Variants in CHST15 observed in about 807,000 individuals in gnomAD.
CHST15 encodes B cell RAG associated protein (GALNAC4S-6ST).
A neutral mutation model predicts 53.6 loss-of-function variants in CHST15; 30 were observed. The observed-to-expected ratio is 0.56, with a 90% CI of 0.42 to 0.76. The LOEUF (loss-of-function observed/expected upper bound fraction) is 0.76, where lower values mean the gene tolerates loss of function less well. Among genes scored for constraint, CHST15 ranks in the 30% least tolerant of loss-of-function variants. CHST15 has a pLI of 0.00. For missense variants in CHST15, 627 were observed against 740.5 expected, an observed-to-expected ratio of 0.85 and a Z score of 1.78; for synonymous variants, 296 against 289.8, an observed-to-expected ratio of 1.02 and a Z score of -0.22.
At chr10:124,038,137 C>T (rs1947583760) in intron 5 of CHST15, among the ~76,000 whole-genome samples, 1 of 148,376 alleles carries the variant, frequency 6.7e-6, no homozygotes, top group South Asian at 2.1e-4. Flanking sequence ...GATGGAGTCT[C>T]ACTCTGACAC....
At chr10:124,012,522 C>T (rs1287954494) in intron 6 of CHST15, 42 bp from the exon 7 acceptor site, 1 of 1,588,160 alleles carries the variant, frequency 6.3e-7, no homozygotes, top group Non-Finnish European at 8.6e-7. Context: ...GAGCAGTTGC[C>T]CCAACACCAT....
chr10:124,043,782 G>A (rs1291001345), intron 3 of CHST15, among the ~76,000 whole-genome samples: 1 of 152,260 alleles, frequency 6.6e-6, no homozygotes, highest in Non-Finnish European at 1.5e-5. Flanking sequence ...AACCCATAAG[G>A]CAGATGGGGC....
chr10:124,034,237 A>G (rs1947334221), intron 5 of CHST15, among the ~76,000 whole-genome samples: 1 of 152,220 alleles, frequency 6.6e-6, no homozygotes, highest in Admixed American at 6.5e-5. Context: ...GGAGGCAAGA[A>G]GCTTTCACAT....
Position 124,024,270 on chromosome 10 carries a change from A to G in CHST15, c.1191-2858T>C, listed in dbSNP as rs143605329. ...ACTGCCCTCCCCTCTAATTGAGGTCATGATATGAGGAGCAGCATTTCTTAG... is the reference window on the plus strand; with the variant it reads ...ACTGCCCTCCCCTCTAATTGAGGTCGTGATATGAGGAGCAGCATTTCTTAG... On this transcript the variant is annotated intron_variant, in intron 5 of 7. Coordinates refer to ENST00000435907, the MANE Select transcript of CHST15 (RefSeq NM_001270764.2). The surrounding 1 kb of genome is among the most constrained non-coding windows in gnomAD (Gnocchi z 4.0). Among the ~76,000 whole-genome samples the G allele has an allele frequency of 9.7e-3, 1,485 of 152,326 alleles. 22 individuals carry two copies. Among genetic ancestry groups the G allele is most frequent in the African/African-American group, 0.034 (1,402 of 41,558 alleles).
intron 1 of CHST15, among the ~76,000 whole-genome samples, chr10:124,062,852 C>A (rs576720056): frequency 2.0e-4 from 31 of 152,196 alleles, no homozygotes; most frequent in African/African-American, 7.0e-4. Flanking sequence ...GAAGACCTCT[C>A]ACCTCATGGA....
At chr10:124,018,494 A>G (rs762172503) in intron 6 of CHST15, among the ~76,000 whole-genome samples, 5 of 152,224 alleles carry the variant, frequency 3.3e-5, no homozygotes, top group Non-Finnish European at 7.3e-5. Context: ...GCACTGGGGG[A>G]GACACAGCCA....
At position 124,008,911 on chromosome 10, in the gene CHST15, C is replaced by T; in HGVS notation, c.*1238G>A. 3 of 1,287,896 alleles carry T rather than the reference C, an allele frequency of 2.3e-6. No homozygotes were observed. The highest frequency in any genetic ancestry group is 1.0e-6 in the Non-Finnish European group (1 of 987,590). 79.8% of individuals were successfully genotyped at this position (1,287,896 alleles called of 1,614,324 possible). A position where few individuals can be genotyped will look rare whatever the true frequency, so the allele number is the denominator to read the frequency against. The stretch of plus-strand genomic sequence containing the variant: ...ATCTCTAGCCCATCCATCGGTAAAC[C>T]AAGCTGCCAAGTGGCCTGGAAAATT... On this transcript the variant is annotated 3_prime_UTR_variant, in exon 8 of 8. Coordinates refer to ENST00000435907, the MANE Select transcript of CHST15 (RefSeq NM_001270764.2).
Position 124,027,321 on chromosome 10 carries a change from G to A in CHST15, c.1191-5909C>T, listed in dbSNP as rs1009380706. 5.3e-5 allele frequency among the ~76,000 whole-genome samples: 8 copies of A among 152,290 alleles called. No individual in the cohort carries two copies. In the East Asian group the frequency reaches 9.7e-4, roughly 18 times the overall value. ...AGGGCTCCATCAATCCAGTGCCTCT[G>A]AAAGTGACCATGTCTCTCCCCAAGG... On this transcript the variant is annotated intron_variant, in intron 5 of 7. Coordinates refer to ENST00000435907, the MANE Select transcript of CHST15 (RefSeq NM_001270764.2).
rs1471365839 is a variant in CHST15, at chr10:124,074,964, C to A, written c.-513+18505G>T. ...TGTTTTGCAGGGAGGACTGTTTCAG[C>A]ACATTCCTCTTTTCATGTTTCTGTT... is the stretch of plus-strand genomic sequence containing the variant. On this transcript the variant is annotated intron_variant, in intron 1 of 7. Transcript: ENST00000435907. This position sits in a 1 kb window ranked among gnomAD's most constrained non-coding sequence, Gnocchi z 4.4. Among the ~76,000 whole-genome samples the A allele has an allele frequency of 6.6e-6, 1 of 152,234 alleles. No homozygotes were observed. Among genetic ancestry groups the A allele is most frequent in the Non-Finnish European group, 1.5e-5 (1 of 68,048 alleles).
In CHST15 at chr10:124,008,546, C is replaced by T; in HGVS notation, c.*1603G>A. 1.0e-6 allele frequency: 1 copy of T among 991,600 alleles called. No homozygotes were observed. The highest frequency in any genetic ancestry group is 1.2e-6 in the Non-Finnish European group (1 of 833,280). 61.4% of individuals were successfully genotyped at this position (991,600 alleles called of 1,614,324 possible). A position where few individuals can be genotyped will look rare whatever the true frequency, so the allele number is the denominator to read the frequency against. ...CTTCAGTAGCAAAAACAGCCCTGGCCATCCTGGCGCTCAGAGCCCTCTGCA... is the reference window on the plus strand; with the variant it reads ...CTTCAGTAGCAAAAACAGCCCTGGCTATCCTGGCGCTCAGAGCCCTCTGCA... On this transcript the variant is annotated 3_prime_UTR_variant, in exon 8 of 8. Coordinates refer to ENST00000435907, the MANE Select transcript of CHST15 (RefSeq NM_001270764.2).
chr10:124,057,246 A>G (rs1192295204), intron 1 of CHST15, among the ~76,000 whole-genome samples: 2 of 152,198 alleles, frequency 1.3e-5, no homozygotes, highest in East Asian at 3.8e-4. Flanking sequence ...TCTCCTTAAT[A>G]CAAACTCATT....
In CHST15 at chr10:124,056,498, G is replaced by A. The variant is rs55780929; in HGVS notation, c.-512-9774C>T. On this transcript the variant is annotated intron_variant, in intron 1 of 7. Transcript: ENST00000435907. The stretch of plus-strand genomic sequence containing the variant: ...CAGCTCCAGGACAGAGACAAGGGAT[G>A]GGGGAACGGAGATGTGTAGAGGCTG... Among the ~76,000 whole-genome samples the A allele has an allele frequency of 7.0e-3, 1,070 of 152,324 alleles. 12 individuals carry two copies. The highest frequency in any genetic ancestry group is 0.025 in the African/African-American group (1,029 of 41,562).
At chr10:124,057,730 G>C (rs1285167024) in intron 1 of CHST15, among the ~76,000 whole-genome samples, 1 of 152,196 alleles carries the variant, frequency 6.6e-6, no homozygotes, top group Non-Finnish European at 1.5e-5. Context: ...CAACAGCAGT[G>C]ATTCAGTGAA....
rs1564880858 is a variant in CHST15 at position 124,044,777 on chromosome 10, T to TCGAAGGTGG, written c.680_688dup (p.Phe229_Asp230insAlaThrPhe). ...GCCCCAGAAGGCCTTGCGCAGGGCG[T>TCGAAGGTGG]CGAAGGTGGAGCGGAAGCGCTTGGA... is the stretch of plus-strand genomic sequence containing the variant. On this transcript the variant is annotated inframe_insertion, in exon 3 of 8. Coordinates refer to ENST00000435907, the MANE Select transcript of CHST15 (RefSeq NM_001270764.2). 2.5e-6 allele frequency: 4 copies of TCGAAGGTGG among 1,610,740 alleles called. No individual in the cohort carries two copies. The highest frequency in any genetic ancestry group is 3.4e-6 in the Non-Finnish European group (4 of 1,178,446).
chr10:124,068,509 C>T (rs769143634), intron 1 of CHST15, among the ~76,000 whole-genome samples: 3 of 152,074 alleles, frequency 2.0e-5, no homozygotes, highest in Non-Finnish European at 4.4e-5. Context: ...GCTGATGGGC[C>T]GGGTACATGT....
chr10:124,058,489 A>T (rs1948457307), intron 1 of CHST15, among the ~76,000 whole-genome samples: 1 of 152,200 alleles, frequency 6.6e-6, no homozygotes, highest in Admixed American at 6.5e-5. Flanking sequence ...GTGGGGCCAA[A>T]ATCCAACCGC....
At chr10:124,072,264 C>T (rs1948940402) in intron 1 of CHST15, among the ~76,000 whole-genome samples, 1 of 152,186 alleles carries the variant, frequency 6.6e-6, no homozygotes, top group Non-Finnish European at 1.5e-5. Context: ...GACACACACC[C>T]CAGCTGGGGC....
chr10:124,009,283 A>C lies in CHST15; in HGVS notation c.*866T>G. 1 of 1,096,734 alleles carries C rather than the reference A, an allele frequency of 9.1e-7. No individual in the cohort carries two copies. Among genetic ancestry groups the C allele is most frequent in the Non-Finnish European group, 1.1e-6 (1 of 890,428 alleles). The allele number at this position is 1,096,734 out of a possible 1,614,324, so 67.9% of individuals were successfully genotyped here. ...CATTAACAGCAAAAATTTCTCTTCC[A>C]ATTATAAACTGAAGTTCTTGAGAAA... On this transcript the variant is annotated 3_prime_UTR_variant, in exon 8 of 8. Transcript: ENST00000435907.
At chr10:124,080,723 G>A (rs2134210359) in intron 1 of CHST15, among the ~76,000 whole-genome samples, 1 of 152,314 alleles carries the variant, frequency 6.6e-6, no homozygotes, top group African/African-American at 2.4e-5. Flanking sequence ...GCAAGTCACT[G>A]ACTTCTGCAG....
Sources: allele counts gnomAD v4.1 joint callset (sites outside exome capture counted in the v4.1 genomes callset), GRCh38; gene constraint gnomAD v4.1.1; non-coding constraint Gnocchi (gnomAD v3.1); transcripts MANE v1.5; gene names NCBI Gene and HGNC (gene_info 2026-07-23, HGNC 2026-07-21).